Variants in DSCAML1 observed in about 807,000 individuals in gnomAD.
The protein encoded by DSCAML1 is cell adhesion molecule DSCAML1.
A neutral mutation model predicts 200.5 loss-of-function variants in DSCAML1; 38 were observed. That is an observed-to-expected ratio of 0.19 (90% confidence interval 0.15 to 0.25). DSCAML1 has a LOEUF of 0.25. DSCAML1 is among the 10% of genes least tolerant of loss of function. The probability of loss-of-function intolerance (pLI) is 1.00; values close to 1 mark genes in which losing one functional copy is unlikely to be tolerated. For missense variants in DSCAML1, 2,223 were observed against 2,858.8 expected, an observed-to-expected ratio of 0.78 and a Z score of 5.07; for synonymous variants, 1,215 against 1,165.0, an observed-to-expected ratio of 1.04 and a Z score of -0.87.
chr11:117,766,244 AG>A lies in DSCAML1; in HGVS notation c.511+10546del, dbSNP rs1274908813. Among the ~76,000 whole-genome samples the A allele has an allele frequency of 2.0e-5, 3 of 152,252 alleles. No homozygotes were observed. The East Asian group carries it at 5.8e-4, about 29-fold the overall frequency. ...CAGAGTTCAAAATCACAGGCTTGGC[AG>A]GAAGTGCCATCTATACATAGCTCTA... On this transcript the variant is annotated intron_variant, in intron 3 of 32. Transcript: ENST00000651296.
intron 1 of DSCAML1, among the ~76,000 whole-genome samples, chr11:117,806,677 G>A (rs1275261263): frequency 6.6e-6 from 1 of 152,222 alleles, no homozygotes; most frequent in African/African-American, 2.4e-5. Context: ...TAACTAAGTT[G>A]TCCAATTCAC....
intron 1 of DSCAML1, among the ~76,000 whole-genome samples, chr11:117,782,519 G>C (rs1291922805): frequency 6.6e-6 from 1 of 152,162 alleles, no homozygotes; most frequent in East Asian, 1.9e-4. Flanking sequence ...AAAGTTGGTG[G>C]CCAAGCAAGT....
At chr11:117,757,652 C>A (rs926262360) in intron 3 of DSCAML1, among the ~76,000 whole-genome samples, 1 of 151,678 alleles carries the variant, frequency 6.6e-6, no homozygotes, top group African/African-American at 2.4e-5. Context: ...ATATTAGGAT[C>A]TTTTTCTCTG....
At chr11:117,617,722 A>ACTCT (rs1555190825) in intron 3 of DSCAML1, among the ~76,000 whole-genome samples, 4 of 132,060 alleles carry the variant, frequency 3.0e-5, no homozygotes, top group Non-Finnish European at 5.0e-5. Context: ...ACACACACAC[A>ACTCT]CTCTCACTGC....
intron 12 of DSCAML1, 95 bp from the exon 13 acceptor site, chr11:117,481,365 G>A: frequency 8.1e-7 from 1 of 1,233,488 alleles, no homozygotes; most frequent in East Asian, 2.4e-5. Flanking sequence ...CTCTCAGCAA[G>A]GCCCTCTTGT....
chr11:117,437,257 G>GGAGGCCCTGCCAGGCCCA lies in DSCAML1; in HGVS notation c.4567_4584dup (p.Trp1523_Leu1528dup). ...AACACCTCCCCGGAGCTGTTGGCCC[G>GGAGGCCCTGCCAGGCCCA]GAGGCCCTGCCAGGCCCAGGTCCCC... On this transcript the variant is annotated inframe_insertion, in exon 26 of 33. Coordinates refer to ENST00000651296, the MANE Select transcript of DSCAML1 (RefSeq NM_020693.4). The surrounding 1 kb of genome is among the most constrained non-coding windows in gnomAD (Gnocchi z 5.3). 4 of 1,614,214 alleles carry GGAGGCCCTGCCAGGCCCA rather than the reference G, an allele frequency of 2.5e-6. No homozygotes were observed. Among genetic ancestry groups the GGAGGCCCTGCCAGGCCCA allele is most frequent in the Non-Finnish European group, 3.4e-6 (4 of 1,180,048 alleles).
chr11:117,764,267 C>T (rs1224085372), intron 3 of DSCAML1, among the ~76,000 whole-genome samples: 1 of 152,202 alleles, frequency 6.6e-6, no homozygotes. Flanking sequence ...TCTCTTTCCC[C>T]TTTCCAAGGG....
At chr11:117,809,887 ACACACACC>A (rs1488995989) in intron 1 of DSCAML1, among the ~76,000 whole-genome samples, 1 of 150,652 alleles carries the variant, frequency 6.6e-6, no homozygotes, top group Admixed American at 6.7e-5. Context: ...ACTCTTACAC[ACACACACC>A]CACACACTCA....
At chr11:117,816,008 G>A (rs1452706872) in intron 1 of DSCAML1, among the ~76,000 whole-genome samples, 1 of 152,016 alleles carries the variant, frequency 6.6e-6, no homozygotes, top group Non-Finnish European at 1.5e-5. Flanking sequence ...ACACCTGGGG[G>A]AGACCCTCCC....
At chr11:117,747,768 G>A (rs1004762404) in intron 3 of DSCAML1, among the ~76,000 whole-genome samples, 1 of 152,128 alleles carries the variant, frequency 6.6e-6, no homozygotes, top group Non-Finnish European at 1.5e-5. Context: ...TCTCACAATC[G>A]TGCTGCATGT....
At chr11:117,643,694 G>C (rs1393726213) in intron 3 of DSCAML1, among the ~76,000 whole-genome samples, 2 of 152,012 alleles carry the variant, frequency 1.3e-5, no homozygotes. Flanking sequence ...GGAGGAGTGG[G>C]GGGTGCCCTC....
At chr11:117,789,203 G>A (rs965861755) in intron 1 of DSCAML1, among the ~76,000 whole-genome samples, 3 of 152,142 alleles carry the variant, frequency 2.0e-5, no homozygotes, top group Non-Finnish European at 4.4e-5. Flanking sequence ...CAGTGGAGAC[G>A]CAGCTATCCT....
intron 11 of DSCAML1, among the ~76,000 whole-genome samples, chr11:117,499,173 C>T (rs1021030602): frequency 2.0e-5 from 3 of 152,122 alleles, no homozygotes; most frequent in African/African-American, 7.2e-5. Flanking sequence ...GGGGGAATGA[C>T]CTCCTCCTCC....
intron 3 of DSCAML1, among the ~76,000 whole-genome samples, chr11:117,737,895 C>G (rs1192966874): frequency 6.6e-6 from 1 of 152,160 alleles, no homozygotes; most frequent in Non-Finnish European, 1.5e-5. Context: ...GTGGTTGTGA[C>G]AGCGAGTGTA....
At chr11:117,600,677 G>A (rs1342871524) in intron 3 of DSCAML1, among the ~76,000 whole-genome samples, 1 of 152,232 alleles carries the variant, frequency 6.6e-6, no homozygotes, top group Non-Finnish European at 1.5e-5. Context: ...TTGCATGCAA[G>A]TCCTCACTAG....
At chr11:117,769,497 TATA>T (rs1368180060) in intron 3 of DSCAML1, among the ~76,000 whole-genome samples, 4 of 94,326 alleles carry the variant, frequency 4.2e-5, no homozygotes, top group African/African-American at 2.3e-4. Context: ...ATTTTATATA[TATA>T]ATATATATTT....
At chr11:117,691,237 A>G (rs932522120) in intron 3 of DSCAML1, among the ~76,000 whole-genome samples, 5 of 152,032 alleles carry the variant, frequency 3.3e-5, no homozygotes, top group Non-Finnish European at 7.4e-5. Flanking sequence ...GATCCTAGGG[A>G]GATGGACCTC....
intron 8 of DSCAML1, among the ~76,000 whole-genome samples, chr11:117,513,943 TC>T (rs1328478397): frequency 6.6e-6 from 1 of 152,124 alleles, no homozygotes; most frequent in Non-Finnish European, 1.5e-5. Flanking sequence ...CACCCAGCCT[TC>T]CACTGCCACG....
chr11:117,711,492 T>C (rs2053848607), intron 3 of DSCAML1, among the ~76,000 whole-genome samples: 1 of 152,208 alleles, frequency 6.6e-6, no homozygotes, highest in South Asian at 2.1e-4. Flanking sequence ...TCACGTTCCC[T>C]GTCTTCTGAC....
Sources: allele counts gnomAD v4.1 joint callset (sites outside exome capture counted in the v4.1 genomes callset), GRCh38; gene constraint gnomAD v4.1.1; non-coding constraint Gnocchi (gnomAD v3.1); transcripts MANE v1.5; gene names NCBI Gene and HGNC (gene_info 2026-07-23, HGNC 2026-07-21).